Variants in KLHL3 observed in about 807,000 individuals in gnomAD.
KLHL3 encodes the protein kelch-like protein 3.
A neutral mutation model predicts 70.5 loss-of-function variants in KLHL3; 19 were observed. The ratio of observed to expected loss-of-function variants is 0.27; its 90% CI spans 0.19 to 0.40. The LOEUF (loss-of-function observed/expected upper bound fraction) is 0.40, where lower values mean the gene tolerates loss of function less well. KLHL3 is among the 10% of genes least tolerant of loss of function. The probability of loss-of-function intolerance (pLI) is 1.00; values close to 1 mark genes in which losing one functional copy is unlikely to be tolerated. For missense variants in KLHL3, 512 were observed against 771.1 expected, an observed-to-expected ratio of 0.66 and a Z score of 3.98; for synonymous variants, 258 against 290.3, an observed-to-expected ratio of 0.89 and a Z score of 1.13.
At chr5:137,657,976 G>A (rs1039524803) in intron 8 of KLHL3, among the ~76,000 whole-genome samples, 155 bp downstream of exon 8, 1 of 152,172 alleles carries the variant, frequency 6.6e-6, no homozygotes, top group African/African-American at 2.4e-5. Context: ...GGTACCAGCA[G>A]ATTCAAGAGG....
intron 8 of KLHL3, among the ~76,000 whole-genome samples, chr5:137,645,909 A>C (rs1489094749): frequency 6.6e-6 from 1 of 152,236 alleles, no homozygotes; most frequent in Non-Finnish European, 1.5e-5. Flanking sequence ...TAGAGTAACT[A>C]AAACAGCATG....
chr5:137,662,594 A>T (rs1751510215), intron 6 of KLHL3, among the ~76,000 whole-genome samples: 1 of 152,210 alleles, frequency 6.6e-6, no homozygotes, highest in African/African-American at 2.4e-5. Flanking sequence ...TTGAGGAGAG[A>T]TTTCATTTCT....
intron 5 of KLHL3, 84 bp from the exon 6 acceptor site, chr5:137,677,738 A>T: frequency 2.4e-6 from 2 of 836,082 alleles, no homozygotes; most frequent in Admixed American, 5.3e-5. Context: ...TGGGATTCAC[A>T]GTAGAGTCCT....
At chr5:137,685,437 T>C (rs1392849876) in intron 5 of KLHL3, among the ~76,000 whole-genome samples, 1 of 152,194 alleles carries the variant, frequency 6.6e-6, no homozygotes, top group African/African-American at 2.4e-5. Flanking sequence ...GAGTACAGAG[T>C]GCTTTCTGTT....
At chr5:137,640,225 A>C (rs1010511585) in intron 8 of KLHL3, among the ~76,000 whole-genome samples, 1 of 152,242 alleles carries the variant, frequency 6.6e-6, no homozygotes, top group Non-Finnish European at 1.5e-5. Context: ...ACTCGGGGCT[A>C]TCTTGTGGGT....
chr5:137,713,911 C>T (rs1752845172), intron 2 of KLHL3, among the ~76,000 whole-genome samples: 1 of 151,988 alleles, frequency 6.6e-6, no homozygotes, highest in Non-Finnish European at 1.5e-5. Context: ...TTTTAGGGTA[C>T]ATGTGCACAA....
intron 4 of KLHL3, chr5:137,692,819 T>TACACACACACAC (rs3045645): frequency 2.8e-3 from 468 of 168,262 alleles, no homozygotes; most frequent in Admixed American, 5.1e-3. Context: ...AACAAAACTC[T>TACACACACACAC]ACACACACAC....
At chr5:137,735,447 A>G (rs1435518588) in intron 1 of KLHL3, among the ~76,000 whole-genome samples, 186 bp downstream of exon 1, 1 of 152,208 alleles carries the variant, frequency 6.6e-6, no homozygotes, top group African/African-American at 2.4e-5. Flanking sequence ...CTGGAGATTC[A>G]AGCCCTGGAA....
chr5:137,679,353 G>GCCACAGCTGAGCTCAGCAGGACCAC (rs1312331368), intron 5 of KLHL3, among the ~76,000 whole-genome samples: 1 of 152,132 alleles, frequency 6.6e-6, no homozygotes, highest in Non-Finnish European at 1.5e-5. Context: ...CTCTGGACCA[G>GCCACAGCTGAGCTCAGCAGGACCAC]CCACAGCTGA....
chr5:137,618,943 T>C lies in KLHL3; in HGVS notation c.*3155A>G, dbSNP rs1236597307. The C allele has an allele frequency of 1.3e-5, 2 of 149,836 alleles. No homozygotes were observed. Among genetic ancestry groups the C allele is most frequent in the African/African-American group, 4.9e-5 (2 of 40,910 alleles). The allele number at this position is 149,836 out of a possible 1,614,324, so 9.3% of individuals were successfully genotyped here. A position where few individuals can be genotyped will look rare whatever the true frequency, so the allele number is the denominator to read the frequency against. ...ACCTGGAGCTACTGAAAAATATGTT[T>C]CTGAAGGGTGAGAAACAAAAGGAAG... is the stretch of plus-strand genomic sequence containing the variant. On this transcript the variant is annotated 3_prime_UTR_variant, in exon 15 of 15. Coordinates refer to ENST00000309755, the MANE Select transcript of KLHL3 (RefSeq NM_017415.3).
In KLHL3 at chr5:137,692,686, T is replaced by A. The variant is rs542159883; in HGVS notation, c.364-239A>T. ...GCCATGCTTCCCAGTCTTTAATCCC[T>A]GGGGATCTTATTAAAATGCAGATTC... On this transcript the variant is annotated intron_variant, in intron 4 of 14. Coordinates refer to ENST00000309755, the MANE Select transcript of KLHL3 (RefSeq NM_017415.3). The A allele has an allele frequency of 6.3e-6, 3 of 478,212 alleles. No homozygotes were observed. In the South Asian group the frequency reaches 8.5e-5, roughly 14 times the overall value. The allele number at this position is 478,212 out of a possible 1,614,324, so 29.6% of individuals were successfully genotyped here.
chr5:137,698,230 TA>T, intron 4 of KLHL3, 56 bp downstream of exon 4: 1 of 1,594,516 alleles, frequency 6.3e-7, no homozygotes, highest in Non-Finnish European at 8.6e-7. Flanking sequence ...AATAACGCTG[TA>T]AAATGGTGGG....
At chr5:137,644,852 G>T in intron 8 of KLHL3, among the ~76,000 whole-genome samples, 2 of 152,054 alleles carry the variant, frequency 1.3e-5, no homozygotes, top group Middle Eastern at 6.8e-3. Flanking sequence ...CTAGACAAGG[G>T]CATGACAAAA....
intron 14 of KLHL3, among the ~76,000 whole-genome samples, chr5:137,625,157 C>G (rs1022803645): frequency 6.6e-6 from 1 of 152,272 alleles, no homozygotes; most frequent in Non-Finnish European, 1.5e-5. Flanking sequence ...AACACACTGC[C>G]CCATGGCACG....
At chr5:137,700,650 T>C (rs1752548185) in intron 3 of KLHL3, among the ~76,000 whole-genome samples, 3 of 152,224 alleles carry the variant, frequency 2.0e-5, no homozygotes, top group Admixed American at 2.0e-4. Context: ...TTCTAGACAG[T>C]AGGTCTTTAG....
chr5:137,630,154 G>C (rs1487097190), intron 12 of KLHL3, among the ~76,000 whole-genome samples: 2 of 152,188 alleles, frequency 1.3e-5, no homozygotes, highest in Non-Finnish European at 2.9e-5. Context: ...TCTTACGAAA[G>C]TGAAGCACTG....
At chr5:137,692,581 T>C in intron 4 of KLHL3, 134 bp from the exon 5 acceptor site, 1 of 777,568 alleles carries the variant, frequency 1.3e-6, no homozygotes, top group African/African-American at 1.7e-5. Context: ...CCAAACTTCC[T>C]AGCCTGCTTT....
At chr5:137,630,198 C>T (rs1490635084) in intron 12 of KLHL3, among the ~76,000 whole-genome samples, 1 of 152,208 alleles carries the variant, frequency 6.6e-6, no homozygotes, top group Non-Finnish European at 1.5e-5. Context: ...GAGGCCAGGG[C>T]TCTGACAGTA....
At chr5:137,726,055 C>G (rs953590060) in intron 1 of KLHL3, among the ~76,000 whole-genome samples, 1 of 152,192 alleles carries the variant, frequency 6.6e-6, no homozygotes, top group Non-Finnish European at 1.5e-5. Context: ...TAGATACTCT[C>G]CCTCCAAGTA....
Sources: allele counts gnomAD v4.1 joint callset (sites outside exome capture counted in the v4.1 genomes callset), GRCh38; gene constraint gnomAD v4.1.1; transcripts MANE v1.5; gene names NCBI Gene and HGNC (gene_info 2026-07-23, HGNC 2026-07-21).